Variants in KSR1 observed in about 807,000 individuals in gnomAD.
KSR1 encodes the protein kinase suppressor of ras 1, also known as kinase suppressor of ras.
Under a neutral mutation model 92.9 loss-of-function variants are expected in KSR1, and 35 were observed. The ratio of observed to expected loss-of-function variants is 0.38; its 90% CI spans 0.29 to 0.50. The LOEUF (loss-of-function observed/expected upper bound fraction) is 0.50. Ranked by LOEUF, KSR1 falls within the 20% of genes least tolerant of loss-of-function variation. The pLI is 0.94. For synonymous variants in KSR1, 467 were observed against 472.6 expected (o/e 0.99, Z 0.15); for missense variants, 972 against 1,158.5 (o/e 0.84, Z 2.34).
At chr17:27,530,332 G>C (rs2070484079) in intron 1 of KSR1, among the ~76,000 whole-genome samples, 1 of 151,974 alleles carries the variant, frequency 6.6e-6, no homozygotes, top group African/African-American at 2.4e-5. Flanking sequence ...GTGGTCCCGG[G>C]TACTCAGGAG....
At chr17:27,552,318 T>A (rs539679266) in intron 2 of KSR1, among the ~76,000 whole-genome samples, 1 of 152,284 alleles carries the variant, frequency 6.6e-6, no homozygotes, top group African/African-American at 2.4e-5. Flanking sequence ...AAAATCCCCA[T>A]TGAGTGTCGG....
At chr17:27,603,385 G>C (rs1349210607) in intron 11 of KSR1, among the ~76,000 whole-genome samples, 1 of 152,258 alleles carries the variant, frequency 6.6e-6, no homozygotes, top group Non-Finnish European at 1.5e-5. Flanking sequence ...CACCGGCCTT[G>C]CTGGCCAAAG....
In KSR1 at chr17:27,597,358, A is replaced by G; in HGVS notation, c.1390A>G (p.Thr464Ala). 1 of 1,613,572 alleles carries G rather than the reference A, an allele frequency of 6.2e-7. No homozygotes were observed. ...STPSSPAPFP[T>A]SSNPSSATTP... ...ACCCTCCTCACCGGCGCCCTTCCCG[A>G]CATCATCCAACCCATCCAGCGCCAC... Residue 464 changes from threonine (T) to alanine (A), a missense_variant, in exon 10 of 21, where the codon ACA (threonine) becomes GCA (alanine). Physicochemically the swap from Thr to Ala is moderately conservative, Grantham distance 58. Coordinates refer to ENST00000644974, the MANE Select transcript of KSR1 (RefSeq NM_001394583.1).
chr17:27,620,700 C>T (rs1394059642), intron 19 of KSR1, among the ~76,000 whole-genome samples: 1 of 152,116 alleles, frequency 6.6e-6, no homozygotes, highest in Non-Finnish European at 1.5e-5. Context: ...TGTGAGGCAG[C>T]GAGGCCAAGC....
At chr17:27,510,138 A>G (rs1301340065) in intron 1 of KSR1, among the ~76,000 whole-genome samples, 1 of 152,226 alleles carries the variant, frequency 6.6e-6, no homozygotes, top group African/African-American at 2.4e-5. Flanking sequence ...CCTTGTCCGG[A>G]GAGAACCTTT....
At chr17:27,531,417 G>A (rs2070532937) in intron 1 of KSR1, among the ~76,000 whole-genome samples, 1 of 152,228 alleles carries the variant, frequency 6.6e-6, no homozygotes, top group Non-Finnish European at 1.5e-5. Context: ...TCCCCTGACA[G>A]TAAGCTGAGG....
At chr17:27,581,465 C>T (rs907548159) in intron 3 of KSR1, among the ~76,000 whole-genome samples, 3 of 152,114 alleles carry the variant, frequency 2.0e-5, no homozygotes, top group Non-Finnish European at 4.4e-5. Context: ...CAGAACTCTT[C>T]GTAGTGACCA....
intron 2 of KSR1, among the ~76,000 whole-genome samples, chr17:27,568,668 G>A (rs539367970): frequency 1.3e-5 from 2 of 152,244 alleles, no homozygotes; most frequent in East Asian, 1.9e-4. Context: ...GGTCCCCCAT[G>A]GGGAGTTACA....
chr17:27,548,673 T>C (rs992926469), intron 1 of KSR1, among the ~76,000 whole-genome samples: 3 of 152,090 alleles, frequency 2.0e-5, no homozygotes, highest in Admixed American at 6.5e-5. Flanking sequence ...CTACTAAAAA[T>C]ACAAAAATTA....
At chr17:27,572,473 C>T (rs1376704951) in intron 2 of KSR1, among the ~76,000 whole-genome samples, 1 of 152,200 alleles carries the variant, frequency 6.6e-6, no homozygotes. Context: ...GGAGGCAGTA[C>T]GGACTCCCAG....
chr17:27,605,556 G>T lies in KSR1; in HGVS notation c.1737G>T (p.Val579=). The stretch of plus-strand genomic sequence containing the variant: ...CTCGCAAGGCCAGCCAGACCAGCGT[G>T]TACCTGCAGGAGTGGGACATCCCCT... ...PISRKASQTS[V]YLQEWDIPFE... The change falls in exon 14 of 21, where the codon GTG becomes GTT. Residue 579 remains valine, a synonymous_variant. Coordinates refer to ENST00000644974, the MANE Select transcript of KSR1 (RefSeq NM_001394583.1). The T allele has an allele frequency of 6.3e-7, 1 of 1,594,910 alleles. No homozygotes were observed. The highest frequency in any genetic ancestry group is 8.5e-7 in the Non-Finnish European group (1 of 1,171,540).
rs187172143 is a variant in KSR1, at chr17:27,526,286, T to G, written c.232-24282T>G. 3.8e-6 allele frequency: 3 copies of G among 786,862 alleles called. No homozygotes were observed. The East Asian group carries it at 7.8e-5, about 20-fold the overall frequency. 48.7% of individuals were successfully genotyped at this position (786,862 alleles called of 1,614,324 possible). On this transcript the variant is annotated intron_variant, in intron 1 of 20. Coordinates refer to ENST00000644974, the MANE Select transcript of KSR1 (RefSeq NM_001394583.1). Reference sequence around the variant, plus strand: ...AGTTAGTGACTACTACCACTCAAATTTTCCTAGTTGTCGCTCTGTTACAGG... The same window carrying G: ...AGTTAGTGACTACTACCACTCAAATGTTCCTAGTTGTCGCTCTGTTACAGG...
At chr17:27,502,120 A>G (rs1001118362) in intron 1 of KSR1, among the ~76,000 whole-genome samples, 2 of 152,364 alleles carry the variant, frequency 1.3e-5, no homozygotes, top group Middle Eastern at 3.4e-3. Context: ...AGAGTGAGCA[A>G]GGGGCTGAGA....
chr17:27,523,954 G>T (rs1454950762), intron 1 of KSR1, among the ~76,000 whole-genome samples: 1 of 152,152 alleles, frequency 6.6e-6, no homozygotes, highest in African/African-American at 2.4e-5. Flanking sequence ...TAAAACCTCA[G>T]CATTCTGTTA....
rs1412581373 is a variant in KSR1, at chr17:27,582,848, C to T, written c.723C>T (p.Pro241=). 10 of 1,613,504 alleles carry T rather than the reference C, an allele frequency of 6.2e-6. No individual in the cohort carries two copies. Among genetic ancestry groups the T allele is most frequent in the South Asian group, 4.4e-5 (4 of 91,048 alleles). ...TGCCCGCCTCAGACTCCCCCACCCCCAGCTTCAGTGAGGGCCTCTCAGACA... is the reference window on the plus strand; with the variant it reads ...TGCCCGCCTCAGACTCCCCCACCCCTAGCTTCAGTGAGGGCCTCTCAGACA... ...SALPASDSPT[P]SFSEGLSDTC... The change falls in exon 4 of 21, where the codon CCC becomes CCT. Residue 241 remains proline (P), a synonymous_variant. Transcript: ENST00000644974.
intron 6 of KSR1, 99 bp downstream of exon 6, chr17:27,588,634 C>G: frequency 3.7e-6 from 4 of 1,092,740 alleles, no homozygotes; most frequent in Non-Finnish European, 5.1e-6. Flanking sequence ...AGCTCTTTGC[C>G]TCTGACGGGC....
At chr17:27,598,694 G>C (rs2073435081) in intron 10 of KSR1, among the ~76,000 whole-genome samples, 3 of 152,190 alleles carry the variant, frequency 2.0e-5, no homozygotes, top group Admixed American at 2.0e-4. Flanking sequence ...GGGTGTGTTT[G>C]GAACACGGCA....
In KSR1 at chr17:27,588,475, A is replaced by G. The variant is rs766248672; in HGVS notation, c.986A>G (p.Asp329Gly). Reference protein sequence around the residue: ...RIDDVSSMRFDLSHGSPQMVR... With the variant: ...RIDDVSSMRFGLSHGSPQMVR... ...GCCCATCCGGCCTCTTTCCCTGCAG[A>G]TCTCTCGCATGGATCCCCACAGATG... Residue 329 changes from aspartate to glycine, a missense_variant and splice_region_variant, in exon 6 of 21, where the codon GAT becomes GGT. By Grantham distance (94) the Asp-to-Gly change is moderately conservative. Coordinates refer to ENST00000644974, the MANE Select transcript of KSR1 (RefSeq NM_001394583.1). 5 of 1,578,676 alleles carry G rather than the reference A, an allele frequency of 3.2e-6. No homozygotes were observed. Among genetic ancestry groups the G allele is most frequent in the Middle Eastern group, 3.3e-4 (2 of 6,026 alleles).
intron 2 of KSR1, among the ~76,000 whole-genome samples, chr17:27,565,160 A>G (rs985163071): frequency 6.6e-6 from 1 of 152,220 alleles, no homozygotes; most frequent in Non-Finnish European, 1.5e-5. Context: ...TATGGTTTGC[A>G]CTGTAATCTT....
Sources: allele counts gnomAD v4.1 joint callset (sites outside exome capture counted in the v4.1 genomes callset), GRCh38; gene constraint gnomAD v4.1.1; transcripts MANE v1.5; gene names NCBI Gene and HGNC (gene_info 2026-07-23, HGNC 2026-07-21).